Variants in ABCG2 observed in about 807,000 individuals in gnomAD.
ABCG2 encodes ATP binding cassette subfamily G member 2 (JR blood group).
ABCG2 carries 80 observed loss-of-function variants against 73.5 expected under a neutral mutation model. The observed-to-expected ratio is 1.09, with a 90% confidence interval of 0.91 to 1.31. The LOEUF (loss-of-function observed/expected upper bound fraction) is 1.31, where lower values mean the gene tolerates loss of function less well. Ranked by LOEUF, ABCG2 falls within the 50% of genes most tolerant of loss-of-function variation. ABCG2 has a pLI of 0.00. For missense variants in ABCG2, 796 were observed against 786.2 expected (o/e 1.01, Z -0.15); for synonymous variants, 269 against 282.4 (o/e 0.95, Z 0.48).
chr4:88,131,262 C>A, intron 4 of ABCG2, 49 bp from the exon 5 acceptor site: 1 of 1,576,312 alleles, frequency 6.3e-7, no homozygotes, highest in South Asian at 1.1e-5. Flanking sequence ...TGAGTCTTTT[C>A]TAAGACCATG....
intron 1 of ABCG2, among the ~76,000 whole-genome samples, chr4:88,213,590 A>G (rs989104800): frequency 9.2e-5 from 14 of 151,886 alleles, no homozygotes; most frequent in African/African-American, 3.4e-4. Context: ...TTTCTCTTCT[A>G]TATCATTGTA....
intron 1 of ABCG2, among the ~76,000 whole-genome samples, chr4:88,181,176 C>T (rs754953387): frequency 5.5e-4 from 83 of 150,468 alleles, no homozygotes; most frequent in Non-Finnish European, 8.3e-4. Flanking sequence ...CTGAGGTGGA[C>T]GGATCATGAA....
At position 88,228,320 on chromosome 4, in the gene ABCG2, G is replaced by A. The variant is rs185089711; in HGVS notation, c.-20+2674C>T. ...GGAAATGGCCTCATCCGAGAAAATGGGTCCAGAGAGTTGGCAGATGATGGT... is the reference window on the plus strand; with the variant it reads ...GGAAATGGCCTCATCCGAGAAAATGAGTCCAGAGAGTTGGCAGATGATGGT... On this transcript the variant is annotated intron_variant, in intron 1 of 15. Transcript: ENST00000515655. Among the ~76,000 whole-genome samples, 15 of 152,216 alleles carry A rather than the reference G, an allele frequency of 9.9e-5. No individual in the cohort carries two copies. In the East Asian group the frequency reaches 1.7e-3, roughly 18 times the overall value.
chr4:88,194,423 G>A (rs1024151784), intron 1 of ABCG2, among the ~76,000 whole-genome samples: 4 of 151,788 alleles, frequency 2.6e-5, no homozygotes, highest in Non-Finnish European at 4.4e-5. Context: ...GGTGGCAGGC[G>A]CCTGTAGTCC....
intron 5 of ABCG2, among the ~76,000 whole-genome samples, chr4:88,126,367 A>G (rs1013592786): frequency 6.6e-6 from 1 of 152,248 alleles, no homozygotes; most frequent in African/African-American, 2.4e-5. Flanking sequence ...AGCTGGTACC[A>G]TTCCTTCTGA....
At chr4:88,177,142 G>C (rs1199138773) in intron 1 of ABCG2, among the ~76,000 whole-genome samples, 3 of 152,182 alleles carry the variant, frequency 2.0e-5, no homozygotes, top group Admixed American at 6.5e-5. Context: ...GGAGGCCGAG[G>C]TGGGCGGATC....
At chr4:88,229,978 CATTATTATT>C (rs61485563) in intron 1 of ABCG2, among the ~76,000 whole-genome samples, 2 of 143,550 alleles carry the variant, frequency 1.4e-5, no homozygotes, top group South Asian at 2.2e-4. Flanking sequence ...TTCTGGCATG[CATTATTATT>C]ATTATTATTA....
intron 3 of ABCG2, 86 bp downstream of exon 3, chr4:88,132,490 T>C (rs771003605): frequency 5.7e-6 from 8 of 1,400,430 alleles, no homozygotes; most frequent in Non-Finnish European, 8.1e-6. Context: ...GCTCAATAAA[T>C]ACCTGCTCGC....
At chr4:88,178,156 G>T (rs976221141) in intron 1 of ABCG2, among the ~76,000 whole-genome samples, 1 of 152,162 alleles carries the variant, frequency 6.6e-6, no homozygotes, top group South Asian at 2.1e-4. Context: ...ACAGCTCTGG[G>T]AGAAACTCCT....
intron 1 of ABCG2, among the ~76,000 whole-genome samples, chr4:88,218,969 G>A (rs1729911246): frequency 6.6e-6 from 1 of 152,170 alleles, no homozygotes; most frequent in Non-Finnish European, 1.5e-5. Context: ...GTAGGTAAAT[G>A]AACAGGCGAT....
chr4:88,111,349 T>C (rs980334616), intron 9 of ABCG2, among the ~76,000 whole-genome samples: 1 of 152,190 alleles, frequency 6.6e-6, no homozygotes, highest in Admixed American at 6.5e-5. Flanking sequence ...TTGCCTTTAA[T>C]TGATAGTATA....
intron 5 of ABCG2, among the ~76,000 whole-genome samples, chr4:88,129,927 G>A (rs1418647827): frequency 6.6e-6 from 1 of 151,896 alleles, no homozygotes; most frequent in African/African-American, 2.4e-5. Context: ...GCCCACAATT[G>A]TATCTCTAGA....
At chr4:88,226,295 C>T (rs1262231918) in intron 1 of ABCG2, among the ~76,000 whole-genome samples, 1 of 152,168 alleles carries the variant, frequency 6.6e-6, no homozygotes, top group Non-Finnish European at 1.5e-5. Context: ...CCAAATCTGT[C>T]ATAATGATGT....
chr4:88,158,744 C>T (rs1578244240), upstream of ABCG2: 3 of 398,798 alleles, frequency 7.5e-6, no homozygotes, highest in South Asian at 5.3e-5. Context: ...CCCGAGCGCT[C>T]CCCTCGCGCG....
chr4:88,154,717 T>C (rs1190045514), intron 1 of ABCG2, among the ~76,000 whole-genome samples: 1 of 152,100 alleles, frequency 6.6e-6, no homozygotes. Context: ...GATTGAAGTC[T>C]GGGCCAGGAA....
chr4:88,095,529 A>C lies in ABCG2; in HGVS notation c.1728T>G (p.Tyr576Ter), dbSNP rs200579274. Residue 576 changes from tyrosine (Y) to a stop codon, truncating the protein, a stop_gained, in exon 14 of 16, where the codon TAT becomes TAG. Coordinates refer to ENST00000237612, the MANE Select transcript of ABCG2 (RefSeq NM_004827.3). LOFTEE classifies it high-confidence loss of function. Reference sequence around the variant, plus strand: ...GACAAGGAAGACATACCGTAAATCCATATCGTGGAATGCTGAAGTACTGAA... The same window carrying C: ...GACAAGGAAGACATACCGTAAATCCCTATCGTGGAATGCTGAAGTACTGAA... ...SWLQYFSIPR[Y>*]GFTALQHNEF... 1.1e-5 allele frequency: 18 copies of C among 1,613,114 alleles called. No individual in the cohort carries two copies. Among genetic ancestry groups the C allele is most frequent in the Non-Finnish European group, 1.5e-5 (18 of 1,179,148 alleles).
chr4:88,164,774 G>T (rs971721512), intron 1 of ABCG2, among the ~76,000 whole-genome samples: 11 of 152,016 alleles, frequency 7.2e-5, no homozygotes, highest in African/African-American at 1.4e-4. Context: ...TGGATTTTTT[G>T]TTGTTGTTGT....
intron 1 of ABCG2, among the ~76,000 whole-genome samples, chr4:88,205,903 G>C (rs1051008160): frequency 6.6e-6 from 1 of 152,068 alleles, no homozygotes; most frequent in Non-Finnish European, 1.5e-5. Flanking sequence ...GGATGGTCTC[G>C]ATCTCTTGAC....
chr4:88,113,590 G>T (rs747360688), intron 8 of ABCG2, 37 bp from the exon 9 acceptor site: 3 of 1,597,330 alleles, frequency 1.9e-6, no homozygotes, highest in East Asian at 4.5e-5. Flanking sequence ...ACACAAACAA[G>T]ATAACAACAA....
Sources: gnomAD v4.1 joint callset for allele counts (sites outside exome capture counted in the v4.1 genomes callset) on GRCh38, gnomAD v4.1.1 for gene constraint, MANE v1.5 for transcripts, NCBI Gene and HGNC (gene_info 2026-07-23, HGNC 2026-07-21) for gene names.